Variants in CHST8 observed in about 807,000 individuals in gnomAD.
CHST8 encodes GALNAC-4-ST1.
A neutral mutation model predicts 15.0 loss-of-function variants in CHST8; 10 were observed. The ratio of observed to expected loss-of-function variants is 0.67; its 90% confidence interval spans 0.41 to 1.13. The LOEUF is 1.13. Among genes scored for constraint, CHST8 ranks in the 50% most tolerant of loss-of-function variants. The pLI, the probability that CHST8 is intolerant of heterozygous loss-of-function variation, is 0.00. For synonymous variants in CHST8, 259 were observed against 256.6 expected, an observed-to-expected ratio of 1.01 and a Z score of -0.09; for missense variants, 634 against 608.2, an observed-to-expected ratio of 1.04 and a Z score of -0.45.
At chr19:33,766,182 C>T (rs1366367542) in intron 3 of CHST8, among the ~76,000 whole-genome samples, 1 of 151,976 alleles carries the variant, frequency 6.6e-6, no homozygotes, top group Non-Finnish European at 1.5e-5. Flanking sequence ...CTCTCCCTGT[C>T]TCGCTTCCCT....
intron 1 of CHST8, among the ~76,000 whole-genome samples, chr19:33,646,421 A>T (rs1299757885): frequency 6.6e-6 from 1 of 152,206 alleles, no homozygotes; most frequent in African/African-American, 2.4e-5. Context: ...CAGCTGGTCC[A>T]TGGGAAAGCA....
intron 1 of CHST8, among the ~76,000 whole-genome samples, chr19:33,649,244 C>T (rs966800442): frequency 6.6e-6 from 1 of 152,018 alleles, no homozygotes; most frequent in African/African-American, 2.4e-5. Context: ...TGTTTGTGTG[C>T]TAGTATTTCA....
At chr19:33,725,949 C>T (rs1321001345) in intron 3 of CHST8, among the ~76,000 whole-genome samples, 3 of 152,226 alleles carry the variant, frequency 2.0e-5, no homozygotes, top group Non-Finnish European at 4.4e-5. Context: ...GGGCTCTTGC[C>T]TGGAAGTGGT....
chr19:33,672,964 A>G (rs1243280124), intron 2 of CHST8, among the ~76,000 whole-genome samples: 2 of 152,208 alleles, frequency 1.3e-5, no homozygotes, highest in African/African-American at 4.8e-5. Context: ...GGACGCGCCC[A>G]GGTCCACCAC....
intron 2 of CHST8, among the ~76,000 whole-genome samples, chr19:33,688,708 C>T (rs1973034414): frequency 6.6e-6 from 1 of 152,152 alleles, no homozygotes; most frequent in South Asian, 2.1e-4. Context: ...TCCCCAGTGC[C>T]CTACAGAGAG....
chr19:33,699,051 G>A (rs7254433), intron 3 of CHST8, among the ~76,000 whole-genome samples: 27,165 of 152,174 alleles, frequency 0.18, 2,617 homozygotes, highest in Middle Eastern at 0.3. Context: ...CCTGCTCCCC[G>A]TTGGGCTGGA....
intron 3 of CHST8, among the ~76,000 whole-genome samples, chr19:33,691,738 T>C (rs10419302): frequency 0.35 from 53,931 of 152,164 alleles, 9,903 homozygotes; most frequent in Middle Eastern, 0.48. Context: ...CCAAGGGCCC[T>C]TGACAATTCT....
At chr19:33,703,333 C>T (rs922107124) in intron 3 of CHST8, among the ~76,000 whole-genome samples, 5 of 152,302 alleles carry the variant, frequency 3.3e-5, no homozygotes, top group African/African-American at 1.2e-4. Flanking sequence ...CTGATGTCCT[C>T]GAGCCCCTGT....
chr19:33,648,675 T>C (rs1293100537), intron 1 of CHST8, among the ~76,000 whole-genome samples: 1 of 152,084 alleles, frequency 6.6e-6, no homozygotes, highest in African/African-American at 2.4e-5. Context: ...AAGCATAGAT[T>C]TACCAAATGG....
chr19:33,622,886 G>A (rs1186071393), intron 1 of CHST8, among the ~76,000 whole-genome samples: 4 of 152,156 alleles, frequency 2.6e-5, no homozygotes, highest in Admixed American at 2.6e-4. Context: ...ATGGTGTGAA[G>A]GTGTGTGCGT....
chr19:33,636,472 T>C (rs1972204150), intron 1 of CHST8, among the ~76,000 whole-genome samples: 1 of 152,118 alleles, frequency 6.6e-6, no homozygotes, highest in Admixed American at 6.5e-5. Context: ...GCCTGAGTCT[T>C]TGTCTCCAGA....
rs75448821 is a variant in CHST8 at position 33,677,611 on chromosome 19, C to T, written c.-87+9768C>T. On this transcript the variant is annotated intron_variant, in intron 2 of 4. Coordinates refer to ENST00000650847, the MANE Select transcript of CHST8 (RefSeq NM_001127895.2). ...CCACTGCAGGAATCTTCTCAAATAG[C>T]TCCATGGTACCAGTCCACCAGGGGC... Among the ~76,000 whole-genome samples the T allele has an allele frequency of 3.1e-3, 467 of 152,302 alleles. 2 individuals are homozygous for T. Among genetic ancestry groups the T allele is most frequent in the Middle Eastern group, 0.014 (4 of 294 alleles).
chr19:33,669,535 T>G (rs1972708042), intron 2 of CHST8, among the ~76,000 whole-genome samples: 1 of 152,178 alleles, frequency 6.6e-6, no homozygotes, highest in Non-Finnish European at 1.5e-5. Context: ...CATTCTCTGC[T>G]TCACATGAGA....
rs766744244 is a variant in CHST8 at position 33,772,542 on chromosome 19, A to G, written c.754A>G (p.Thr252Ala). ...TATCTTGCACCGTCTCAGCACCTAC[A>G]CCAAGATGCTCTTTGTCCGCGAGCC... ...QGILHRLSTYTKMLFVREPFE... is the reference protein window; with the variant it reads ...QGILHRLSTYAKMLFVREPFE... Residue 252 changes from threonine to alanine, a missense_variant, in exon 5 of 5, where the codon ACC (threonine) becomes GCC (alanine). Coordinates refer to ENST00000650847, the MANE Select transcript of CHST8 (RefSeq NM_001127895.2). The G allele has an allele frequency of 8.1e-6, 13 of 1,613,882 alleles. 1 individual carries two copies. In the South Asian group the frequency reaches 1.4e-4, roughly 18 times the overall value.
intron 3 of CHST8, among the ~76,000 whole-genome samples, chr19:33,714,795 CTT>C (rs1973633922): frequency 6.6e-6 from 1 of 152,200 alleles, no homozygotes; most frequent in South Asian, 2.1e-4. Flanking sequence ...TCTCTCTTCT[CTT>C]GTTTGCTGCC....
chr19:33,691,301 C>A (rs902081948), intron 3 of CHST8, among the ~76,000 whole-genome samples: 1 of 152,196 alleles, frequency 6.6e-6, no homozygotes, highest in Non-Finnish European at 1.5e-5. Context: ...TTGCAGCTGG[C>A]AGACCTGGCA....
In CHST8 at chr19:33,759,212, G is replaced by A. The variant is rs562379840; in HGVS notation, c.131-12201G>A. On this transcript the variant is annotated intron_variant, in intron 3 of 4. Transcript: ENST00000650847. ...CGAATGTCCAAACTACATCAAGACA[G>A]CCCCTTTATGGGGCCACCCCAGCCT... 5.3e-5 allele frequency among the ~76,000 whole-genome samples: 8 copies of A among 152,298 alleles called. No individual in the cohort carries two copies. The East Asian group carries it at 1.2e-3, about 22-fold the overall frequency.
intron 1 of CHST8, among the ~76,000 whole-genome samples, chr19:33,650,518 C>CTTTTTTTTTTTTTT (rs869057036): frequency 1.9e-4 from 7 of 36,070 alleles, no homozygotes; most frequent in Non-Finnish European, 2.9e-4. Flanking sequence ...TTTTTCTTTT[C>CTTTTTTTTTTTTTT]TTTTTTTTTT....
intron 3 of CHST8, among the ~76,000 whole-genome samples, chr19:33,740,685 C>T (rs1164404900): frequency 6.6e-6 from 1 of 152,208 alleles, no homozygotes; most frequent in Non-Finnish European, 1.5e-5. Flanking sequence ...TGGCCACCTA[C>T]CTATCTTCCC....
Sources: allele counts gnomAD v4.1 joint callset (sites outside exome capture counted in the v4.1 genomes callset), GRCh38; gene constraint gnomAD v4.1.1; transcripts MANE v1.5; gene names NCBI Gene and HGNC (gene_info 2026-07-23, HGNC 2026-07-21).